ARL15: variants seen among roughly 807,000 people sequenced by gnomAD.
ARL15 encodes the protein ADP-ribosylation factor-like protein 15.
Under a neutral mutation model 25.2 loss-of-function variants are expected in ARL15, and 19 were observed. That is an observed-to-expected ratio of 0.75 (90% CI 0.53 to 1.10). The LOEUF is 1.10. Ranked by LOEUF, ARL15 falls within the 50% of genes least tolerant of loss-of-function variation. The pLI, the probability that ARL15 is intolerant of heterozygous loss-of-function variation, is 0.00. For missense variants in ARL15, 220 were observed against 246.0 expected, an observed-to-expected ratio of 0.89 and a Z score of 0.71; for synonymous variants, 94 against 86.8, an observed-to-expected ratio of 1.08 and a Z score of -0.46.
chr5:53,972,827 G>A (rs1747796016), intron 4 of ARL15, among the ~76,000 whole-genome samples: 1 of 152,130 alleles, frequency 6.6e-6, no homozygotes, highest in South Asian at 2.1e-4. Context: ...CAACGTCAAG[G>A]AGTATATAGG....
At chr5:54,024,939 G>A (rs1376396222) in intron 4 of ARL15, among the ~76,000 whole-genome samples, 1 of 152,084 alleles carries the variant, frequency 6.6e-6, no homozygotes, top group Non-Finnish European at 1.5e-5. Flanking sequence ...TTCATGAAGT[G>A]TTCAACATAA....
chr5:54,059,230 C>A (rs1389346900), intron 4 of ARL15, among the ~76,000 whole-genome samples: 2 of 152,198 alleles, frequency 1.3e-5, no homozygotes, highest in Admixed American at 1.3e-4. Context: ...TATAACATGG[C>A]TACTTCCTAA....
intron 1 of ARL15, among the ~76,000 whole-genome samples, chr5:54,223,447 G>C (rs567228164): frequency 6.6e-6 from 1 of 152,256 alleles, no homozygotes; most frequent in South Asian, 2.1e-4. Context: ...AGGAGCTAAA[G>C]TTGAATGCGA....
intron 4 of ARL15, among the ~76,000 whole-genome samples, chr5:54,031,161 G>A (rs1480975137): frequency 6.6e-6 from 1 of 152,134 alleles, no homozygotes; most frequent in Non-Finnish European, 1.5e-5. Flanking sequence ...CACTCAAAAT[G>A]AGAAAAAAGT....
In ARL15 at chr5:54,253,811, A is replaced by C. The variant is rs1757300339; in HGVS notation, c.48+56621T>G. ...CGTCATCTTGCCCAGGCTGGTCTCA[A>C]ACTCCTGTGCTCAAGCAACCCTCCC... On this transcript the variant is annotated intron_variant, in intron 1 of 4. Transcript: ENST00000504924. Among the ~76,000 whole-genome samples the C allele has an allele frequency of 4.6e-5, 7 of 152,290 alleles. No homozygotes were observed. The South Asian group carries it at 1.4e-3, about 32-fold the overall frequency.
At chr5:54,175,331 C>G (rs1269405672) in intron 1 of ARL15, among the ~76,000 whole-genome samples, 1 of 151,104 alleles carries the variant, frequency 6.6e-6, no homozygotes, top group African/African-American at 2.4e-5. Context: ...TCTCTTCTTT[C>G]TTTCTTTCTT....
At chr5:54,194,996 C>T (rs958518463) in intron 1 of ARL15, among the ~76,000 whole-genome samples, 2 of 152,162 alleles carry the variant, frequency 1.3e-5, no homozygotes, top group African/African-American at 4.8e-5. Context: ...ATGGAAGTCA[C>T]AAGGAGATAT....
intron 1 of ARL15, among the ~76,000 whole-genome samples, chr5:54,175,839 A>T (rs377624827): frequency 6.6e-6 from 1 of 151,772 alleles, no homozygotes; most frequent in Non-Finnish European, 1.5e-5. Context: ...CTTTGTAGAG[A>T]TGGGGTTTCA....
rs968407544 is a variant in ARL15 at position 53,885,301 on chromosome 5, T to C, written c.*1260A>G. On this transcript the variant is annotated 3_prime_UTR_variant, in exon 5 of 5. Transcript: ENST00000504924. The stretch of plus-strand genomic sequence containing the variant: ...AATATTTCATCTGTGAACCTCAATA[T>C]GCATAGATTTTTTTCCTGATTTAGA... The C allele has an allele frequency of 6.6e-6, 1 of 152,626 alleles. No individual in the cohort carries two copies. The highest frequency in any genetic ancestry group is 2.4e-5 in the African/African-American group (1 of 41,454). The allele number at this position is 152,626 out of a possible 1,614,324, so 9.5% of individuals were successfully genotyped here. A position where few individuals can be genotyped will look rare whatever the true frequency, so the allele number is the denominator to read the frequency against.
At chr5:54,292,797 G>C (rs1245036658) in intron 1 of ARL15, among the ~76,000 whole-genome samples, 3 of 152,068 alleles carry the variant, frequency 2.0e-5, no homozygotes, top group African/African-American at 7.3e-5. Flanking sequence ...GGTATTTCCA[G>C]GCCTGTTTCT....
chr5:54,102,753 C>G (rs769730999), intron 4 of ARL15, among the ~76,000 whole-genome samples: 3 of 152,126 alleles, frequency 2.0e-5, no homozygotes, highest in African/African-American at 4.8e-5. Context: ...CCCAGATTTT[C>G]CACTCTGGCC....
At chr5:54,297,150 T>C (rs1758485199) in intron 1 of ARL15, among the ~76,000 whole-genome samples, 1 of 152,334 alleles carries the variant, frequency 6.6e-6, no homozygotes, top group East Asian at 1.9e-4. Context: ...GGCCTATTTT[T>C]TTCTACTAAG....
chr5:54,301,091 C>T (rs1758604718), intron 1 of ARL15, among the ~76,000 whole-genome samples: 1 of 152,200 alleles, frequency 6.6e-6, no homozygotes, highest in South Asian at 2.1e-4. Flanking sequence ...CTGGGAAGTT[C>T]TCTTTGGCCC....
intron 4 of ARL15, among the ~76,000 whole-genome samples, chr5:54,030,281 C>A (rs1749936296): frequency 6.6e-6 from 1 of 152,054 alleles, no homozygotes; most frequent in African/African-American, 2.4e-5. Context: ...AGGGCTTCAA[C>A]ACAGAGTTTT....
chr5:54,220,972 T>A (rs1756357278), intron 1 of ARL15, among the ~76,000 whole-genome samples: 1 of 151,112 alleles, frequency 6.6e-6, no homozygotes, highest in Non-Finnish European at 1.5e-5. Context: ...ATTTAGGGAG[T>A]GAAAAACACT....
At chr5:54,093,898 TTAAATA>T (rs1444084812) in intron 4 of ARL15, among the ~76,000 whole-genome samples, 1 of 152,216 alleles carries the variant, frequency 6.6e-6, no homozygotes, top group Admixed American at 6.5e-5. Context: ...ACAGATTCTC[TTAAATA>T]TAATTTATGT....
intron 4 of ARL15, among the ~76,000 whole-genome samples, chr5:53,992,630 G>A (rs1748539858): frequency 6.6e-6 from 1 of 152,064 alleles, no homozygotes; most frequent in South Asian, 2.1e-4. Flanking sequence ...AATAACTAAC[G>A]TTTTGTGTTG....
rs70986660 is a variant in ARL15, at chr5:54,125,085, G to GT, written c.254-11676dup. 6.8e-3 allele frequency among the ~76,000 whole-genome samples: 928 copies of GT among 136,406 alleles called. 9 individuals are homozygous for GT. The highest frequency in any genetic ancestry group is 0.023 in the Middle Eastern group (6 of 256). The allele number at this position is 136,406 out of a possible 152,430, so 89.5% of individuals were successfully genotyped here. A position where few individuals can be genotyped will look rare whatever the true frequency, so the allele number is the denominator to read the frequency against. On this transcript the variant is annotated intron_variant, in intron 3 of 4. Transcript: ENST00000504924. ...CAAGTTTTTTGTTTTGTTTTGTTTT[G>GT]TTTTTTTTTTTTTTGAGACACAGTC...
intron 1 of ARL15, among the ~76,000 whole-genome samples, chr5:54,180,856 T>G (rs1190807643): frequency 6.6e-6 from 1 of 152,234 alleles, no homozygotes; most frequent in Non-Finnish European, 1.5e-5. Flanking sequence ...GCAGGGGATT[T>G]CATGCTTAGC....
Sources: allele counts gnomAD v4.1 joint callset (sites outside exome capture counted in the v4.1 genomes callset), GRCh38; gene constraint gnomAD v4.1.1; transcripts MANE v1.5; gene names NCBI Gene and HGNC (gene_info 2026-07-23, HGNC 2026-07-21).